The following STK32A variants were observed in gnomAD, a reference collection of about 807,000 sequenced individuals.
STK32A encodes the protein serine/threonine-protein kinase 32A.
A neutral mutation model predicts 53.2 loss-of-function variants in STK32A; 41 were observed. The ratio of observed to expected loss-of-function variants is 0.77; its 90% CI spans 0.60 to 1.00. The LOEUF is 1.00. STK32A is among the 50% of genes least tolerant of loss of function. The pLI is 0.00. For missense variants in STK32A, 458 were observed against 485.8 expected (o/e 0.94, Z 0.54); for synonymous variants, 166 against 162.8 (o/e 1.02, Z -0.15).
chr5:147,322,407 A>C (rs1179856648), intron 4 of STK32A, among the ~76,000 whole-genome samples: 1 of 152,166 alleles, frequency 6.6e-6, no homozygotes, highest in Non-Finnish European at 1.5e-5. Context: ...CCTCAGATTA[A>C]TGCTTCGTTG....
intron 4 of STK32A, among the ~76,000 whole-genome samples, chr5:147,317,323 CTTTTTTTTT>C (rs3064294): frequency 1.2e-5 from 1 of 81,310 alleles, no homozygotes; most frequent in Non-Finnish European, 2.1e-5. Flanking sequence ...CTTTTTCTTT[CTTTTTTTTT>C]TTTTTTTTTT....
chr5:147,347,323 C>CAAA (rs72262381), intron 6 of STK32A, among the ~76,000 whole-genome samples: 35 of 142,304 alleles, frequency 2.5e-4, no homozygotes, highest in African/African-American at 7.5e-4. Context: ...GCAATAGAGG[C>CAAA]AAAAAAAAAA....
chr5:147,317,844 G>A (rs1416758635), intron 4 of STK32A, among the ~76,000 whole-genome samples: 1 of 152,052 alleles, frequency 6.6e-6, no homozygotes, highest in South Asian at 2.1e-4. Context: ...AGGATCTCAG[G>A]ACAACTACTA....
At chr5:147,381,140 C>T (rs1281965103) in intron 11 of STK32A, among the ~76,000 whole-genome samples, 1 of 152,158 alleles carries the variant, frequency 6.6e-6, no homozygotes, top group Non-Finnish European at 1.5e-5. Context: ...ATCTTAGTTT[C>T]TCTCTCACTT....
In STK32A at chr5:147,360,125, G is replaced by A. The variant is rs549332276; in HGVS notation, c.563-1392G>A. On this transcript the variant is annotated intron_variant, in intron 7 of 12. Transcript: ENST00000397936. ...GGCACCATACTGAGATTTTGACATGGATTATCACTGTTAATTTCTAACTCT... is the reference window on the plus strand; with the variant it reads ...GGCACCATACTGAGATTTTGACATGAATTATCACTGTTAATTTCTAACTCT... Among the ~76,000 whole-genome samples, 4 of 152,178 alleles carry A rather than the reference G, an allele frequency of 2.6e-5. No individual in the cohort carries two copies. The South Asian group carries it at 8.3e-4, about 32-fold the overall frequency.
intron 2 of STK32A, among the ~76,000 whole-genome samples, chr5:147,244,328 C>T (rs1753698772): frequency 6.6e-6 from 1 of 152,174 alleles, no homozygotes; most frequent in Non-Finnish European, 1.5e-5. Flanking sequence ...GTGAATAAGG[C>T]TGCTATAAAC....
chr5:147,351,038 T>G (rs1197199370), intron 6 of STK32A, 27 bp from the exon 7 acceptor site: 2 of 1,605,072 alleles, frequency 1.2e-6, no homozygotes, highest in Non-Finnish European at 8.5e-7. Flanking sequence ...GGACTTAACT[T>G]TCTGTGTGGT....
intron 11 of STK32A, among the ~76,000 whole-genome samples, chr5:147,377,188 T>C (rs538707008): frequency 1.2e-4 from 19 of 152,314 alleles, no homozygotes; most frequent in East Asian, 1.2e-3. Context: ...GTGATTTCTC[T>C]TTTTGACTCT....
intron 7 of STK32A, among the ~76,000 whole-genome samples, chr5:147,360,603 T>G (rs1356099918): frequency 6.6e-6 from 1 of 152,148 alleles, no homozygotes; most frequent in African/African-American, 2.4e-5. Flanking sequence ...AGGTAGAATT[T>G]GAACCCAGAG....
At chr5:147,337,266 C>T (rs544024123) in intron 5 of STK32A, among the ~76,000 whole-genome samples, 1 of 152,274 alleles carries the variant, frequency 6.6e-6, no homozygotes, top group Non-Finnish European at 1.5e-5. Flanking sequence ...CCAAAGTATG[C>T]ATCCTAGAAT....
chr5:147,378,061 A>G (rs1423481365), intron 11 of STK32A, among the ~76,000 whole-genome samples: 1 of 152,166 alleles, frequency 6.6e-6, no homozygotes, highest in South Asian at 2.1e-4. Flanking sequence ...TTAAAACATG[A>G]GTCAATCTTA....
chr5:147,297,942 T>C (rs1000955992), intron 4 of STK32A, among the ~76,000 whole-genome samples: 1 of 144,532 alleles, frequency 6.9e-6, no homozygotes, highest in Admixed American at 7.2e-5. Flanking sequence ...ATCACACCAC[T>C]GCACTCTATC....
At chr5:147,269,397 G>A (rs72823807) in intron 2 of STK32A, among the ~76,000 whole-genome samples, 6,463 of 152,120 alleles carry the variant, frequency 0.042, 199 homozygotes, top group Middle Eastern at 0.11. Context: ...GCAATGTCTT[G>A]GAAAGCCTCT....
chr5:147,389,587 T>C (rs1206332797), downstream of STK32A, among the ~76,000 whole-genome samples: 1 of 152,056 alleles, frequency 6.6e-6, no homozygotes, highest in Non-Finnish European at 1.5e-5. Flanking sequence ...TTGTCCCACA[T>C]AAAAAGAGCT....
chr5:147,303,648 T>C (rs984935926), intron 4 of STK32A, among the ~76,000 whole-genome samples: 3 of 152,094 alleles, frequency 2.0e-5, no homozygotes, highest in African/African-American at 7.2e-5. Flanking sequence ...CCGTAATACA[T>C]AAAATATGTT....
chr5:147,301,425 T>C (rs1297829308), intron 4 of STK32A, among the ~76,000 whole-genome samples: 3 of 152,288 alleles, frequency 2.0e-5, no homozygotes, highest in Non-Finnish European at 2.9e-5. Context: ...GGGTGAAATA[T>C]TTTTGGTTTC....
At chr5:147,259,195 T>A (rs1010390089) in intron 2 of STK32A, among the ~76,000 whole-genome samples, 3 of 152,230 alleles carry the variant, frequency 2.0e-5, no homozygotes, top group Non-Finnish European at 2.9e-5. Flanking sequence ...AATAGCCCCA[T>A]ACTTTAAGAT....
At chr5:147,313,280 A>C (rs767576788) in intron 4 of STK32A, among the ~76,000 whole-genome samples, 1 of 152,142 alleles carries the variant, frequency 6.6e-6, no homozygotes, top group African/African-American at 2.4e-5. Flanking sequence ...AGATAGATGC[A>C]TAGAGTTTTT....
At chr5:147,322,325 A>G (rs1754363166) in intron 4 of STK32A, among the ~76,000 whole-genome samples, 2 of 152,268 alleles carry the variant, frequency 1.3e-5, no homozygotes, top group Admixed American at 1.3e-4. Context: ...TGTGTAAATC[A>G]GTCTTCAGTG....
Sources: gnomAD v4.1 joint callset for allele counts (sites outside exome capture counted in the v4.1 genomes callset) on GRCh38, gnomAD v4.1.1 for gene constraint, MANE v1.5 for transcripts, NCBI Gene and HGNC (gene_info 2026-07-23, HGNC 2026-07-21) for gene names.